The following EML4 variants were observed in gnomAD, a reference collection of about 807,000 sequenced individuals.
EML4 encodes echinoderm microtubule-associated protein-like 4.
A neutral mutation model predicts 129.0 loss-of-function variants in EML4; 72 were observed. The observed-to-expected ratio is 0.56, with a 90% CI of 0.46 to 0.68. EML4 has a LOEUF of 0.68. Ranked by LOEUF, EML4 falls within the 30% of genes least tolerant of loss-of-function variation. The pLI is 0.00. For synonymous variants in EML4, 532 were observed against 405.0 expected (o/e 1.31, Z -3.77); for missense variants, 1,363 against 1,190.6 (o/e 1.14, Z -2.13).
intron 3 of EML4, 79 bp downstream of exon 3, chr2:42,256,709 A>G (rs1385765676): frequency 6.5e-7 from 1 of 1,534,644 alleles, no homozygotes; most frequent in Non-Finnish European, 8.9e-7. Flanking sequence ...TAGAAAGAAT[A>G]TGAAATAGAG....
chr2:42,291,222 C>G (rs559405585), intron 11 of EML4, among the ~76,000 whole-genome samples: 7 of 151,978 alleles, frequency 4.6e-5, no homozygotes, highest in Middle Eastern at 3.2e-3. Flanking sequence ...TCACAGCATT[C>G]AGAAAAATCA....
At chr2:42,287,788 C>T (rs147911827) in intron 10 of EML4, among the ~76,000 whole-genome samples, 1 of 152,022 alleles carries the variant, frequency 6.6e-6, no homozygotes, top group African/African-American at 2.4e-5. Flanking sequence ...TCTAAAATAG[C>T]CATGAATTTT....
Position 42,331,312 on chromosome 2 carries a change from A to G in EML4, c.*1105A>G. 4.5e-6 allele frequency: 1 copy of G among 223,440 alleles called. No homozygotes were observed. Among genetic ancestry groups the G allele is most frequent in the South Asian group, 1.8e-4 (1 of 5,432 alleles). 13.8% of individuals were successfully genotyped at this position (223,440 alleles called of 1,614,324 possible). ...AGCATACTTAACAGACTTGCTGTGT[A>G]GCAGTTTTTTTCTGGTGGAGTTGCT... On this transcript the variant is annotated 3_prime_UTR_variant, in exon 23 of 23. Coordinates refer to ENST00000318522, the MANE Select transcript of EML4 (RefSeq NM_019063.5).
intron 17 of EML4, among the ~76,000 whole-genome samples, chr2:42,310,277 C>CTTCCCCTTTCCCTTCCCA (rs1297066934): frequency 5.1e-4 from 78 of 151,856 alleles, no homozygotes; most frequent in African/African-American, 1.8e-3. Context: ...CCTTTCTCCC[C>CTTCCCCTTTCCCTTCCCA]TTCCCCTTTC....
chr2:42,262,772 T>A (rs1278579139), intron 4 of EML4, among the ~76,000 whole-genome samples: 1 of 152,196 alleles, frequency 6.6e-6, no homozygotes, highest in African/African-American at 2.4e-5. Context: ...GTACCATATG[T>A]AATGTAATTA....
intron 1 of EML4, among the ~76,000 whole-genome samples, chr2:42,219,949 C>CT (rs1433542919): frequency 6.7e-6 from 1 of 148,566 alleles, no homozygotes; most frequent in Non-Finnish European, 1.5e-5. Flanking sequence ...AAGGAAAACT[C>CT]TTTTTTGCCA....
At chr2:42,274,976 G>A (rs150429897) in intron 6 of EML4, among the ~76,000 whole-genome samples, 30 of 152,266 alleles carry the variant, frequency 2.0e-4, no homozygotes, top group African/African-American at 6.7e-4. Flanking sequence ...CCAGCTGTTG[G>A]GATTCAGAGC....
intron 17 of EML4, among the ~76,000 whole-genome samples, chr2:42,307,864 A>T (rs1428426527): frequency 1.4e-4 from 21 of 152,232 alleles, no homozygotes; most frequent in Admixed American, 1.4e-3. Flanking sequence ...CATGTTGGCC[A>T]GGCTGGTCTG....
intron 21 of EML4, 88 bp from the exon 22 acceptor site, chr2:42,328,798 C>G: frequency 9.2e-7 from 1 of 1,087,262 alleles, no homozygotes; most frequent in East Asian, 2.7e-5. Context: ...AAAAGCTAAA[C>G]AGATTCTAAA....
At chr2:42,226,528 A>G (rs1387973245) in intron 1 of EML4, among the ~76,000 whole-genome samples, 3 of 149,390 alleles carry the variant, frequency 2.0e-5, no homozygotes, top group East Asian at 1.9e-4. Context: ...GTGATGGTGC[A>G]TTCCCGTAAT....
At chr2:42,227,070 A>G (rs1674011065) in intron 1 of EML4, among the ~76,000 whole-genome samples, 1 of 152,104 alleles carries the variant, frequency 6.6e-6, no homozygotes, top group African/African-American at 2.4e-5. Context: ...ACTTTTTTCC[A>G]CTTTCAGTTT....
intron 2 of EML4, among the ~76,000 whole-genome samples, chr2:42,253,120 G>A (rs190290611): frequency 1.3e-5 from 2 of 152,308 alleles, no homozygotes; most frequent in African/African-American, 4.8e-5. Context: ...AGGTGCAGAA[G>A]TGCAGAAGAA....
At chr2:42,192,762 G>C (rs1671675751) in intron 1 of EML4, among the ~76,000 whole-genome samples, 2 of 152,182 alleles carry the variant, frequency 1.3e-5, no homozygotes, top group Non-Finnish European at 2.9e-5. Flanking sequence ...CAGAAAAACA[G>C]TGATAAATGA....
intron 19 of EML4, among the ~76,000 whole-genome samples, chr2:42,323,359 A>T (rs540748237): frequency 0.019 from 2,823 of 152,312 alleles, 103 homozygotes; most frequent in African/African-American, 0.065. Context: ...TGATTTCTTA[A>T]GTTAGTAGGT....
chr2:42,254,886 AGAT>A (rs1676025174), intron 2 of EML4, among the ~76,000 whole-genome samples: 1 of 152,206 alleles, frequency 6.6e-6, no homozygotes, highest in Non-Finnish European at 1.5e-5. Flanking sequence ...GAAACAATCC[AGAT>A]GATCATCAAC....
chr2:42,313,205 C>T (rs1669058214), intron 17 of EML4, among the ~76,000 whole-genome samples: 1 of 151,888 alleles, frequency 6.6e-6, no homozygotes, highest in African/African-American at 2.4e-5. Flanking sequence ...ATCCGCCTGC[C>T]TCGGCCTCCC....
Position 42,325,505 on chromosome 2 carries a change from A to G in EML4, c.2193A>G (p.Pro731=). The change falls in exon 20 of 23, where the codon CCA becomes CCG. Residue 731 remains proline, a synonymous_variant. Coordinates refer to ENST00000318522, the MANE Select transcript of EML4 (RefSeq NM_019063.5). The stretch of plus-strand genomic sequence containing the variant: ...ACATCACACACCTTGACTGGTCCCC[A>G]GACAACAAGTATATAATGTCTAACT... The part of the protein sequence containing the change: ...SSYITHLDWS[P]DNKYIMSNSG... The G allele has an allele frequency of 6.3e-7, 1 of 1,584,552 alleles. No individual in the cohort carries two copies. The highest frequency in any genetic ancestry group is 8.6e-7 in the Non-Finnish European group (1 of 1,159,048).
chr2:42,284,807 T>A, intron 9 of EML4, 104 bp downstream of exon 9: 1 of 778,482 alleles, frequency 1.3e-6, no homozygotes. Flanking sequence ...CTTTTAAAAT[T>A]TAAGTACTGA....
chr2:42,241,885 A>T (rs1405885375), intron 1 of EML4, among the ~76,000 whole-genome samples: 1 of 149,832 alleles, frequency 6.7e-6, no homozygotes, highest in South Asian at 2.1e-4. Context: ...GGGGGGGGGA[A>T]GCTGAGGTAA....
Sources: allele counts gnomAD v4.1 joint callset (sites outside exome capture counted in the v4.1 genomes callset), GRCh38; gene constraint gnomAD v4.1.1; transcripts MANE v1.5; gene names NCBI Gene and HGNC (gene_info 2026-07-23, HGNC 2026-07-21).